Variants in TJP1 observed in about 807,000 individuals in gnomAD.
TJP1 encodes the protein tight junction protein 1.
In TJP1, 43 loss-of-function variants were observed where a neutral mutation model predicts 194.2. That is an observed-to-expected ratio of 0.22 (90% CI 0.17 to 0.29). The LOEUF (loss-of-function observed/expected upper bound fraction) is 0.29. TJP1 is among the 10% of genes least tolerant of loss of function. TJP1 has a pLI of 1.00. For missense variants in TJP1, 1,971 were observed against 2,185.7 expected (o/e 0.90, Z 1.96); for synonymous variants, 801 against 779.0 (o/e 1.03, Z -0.47).
intron 2 of TJP1, among the ~76,000 whole-genome samples, chr15:29,857,915 C>T (rs1050617031): frequency 2.0e-5 from 3 of 152,144 alleles, no homozygotes; most frequent in Admixed American, 6.5e-5. Context: ...GCACCAGTCA[C>T]CATGCCTGGC....
At chr15:29,734,911 A>T (rs1566924066) in intron 11 of TJP1, among the ~76,000 whole-genome samples, 2 of 152,192 alleles carry the variant, frequency 1.3e-5, no homozygotes, top group African/African-American at 4.8e-5. Context: ...AATAGTATTC[A>T]GTGTGTCCTG....
chr15:29,782,870 C>A (rs1206814218), intron 2 of TJP1, among the ~76,000 whole-genome samples: 2 of 91,140 alleles, frequency 2.2e-5, no homozygotes, highest in African/African-American at 8.8e-5. Context: ...AGAAAGTGGG[C>A]AAAGGACAAG....
At chr15:29,929,390 A>C (rs2152267620) in intron 2 of TJP1, among the ~76,000 whole-genome samples, 1 of 152,050 alleles carries the variant, frequency 6.6e-6, no homozygotes. Flanking sequence ...AAGCCTGAAA[A>C]CCAATAATTT....
chr15:29,833,903 A>G (rs1425506207), intron 2 of TJP1, among the ~76,000 whole-genome samples: 1 of 8,158 alleles, frequency 1.2e-4, no homozygotes, highest in Non-Finnish European at 2.8e-4. Flanking sequence ...TTTTTTTTTG[A>G]GACGGAGTCT....
chr15:29,791,865 T>C (rs28831790), intron 2 of TJP1, among the ~76,000 whole-genome samples: 15,994 of 152,188 alleles, frequency 0.11, 959 homozygotes, highest in South Asian at 0.22. Flanking sequence ...TTTATCTGAT[T>C]AGTGATGTTG....
intron 18 of TJP1, among the ~76,000 whole-genome samples, chr15:29,723,882 C>G (rs568217287): frequency 8.5e-5 from 13 of 152,302 alleles, no homozygotes; most frequent in African/African-American, 3.1e-4. Flanking sequence ...TAACGTGACA[C>G]TAGTACCTGG....
intron 1 of TJP1, chr15:29,821,425 G>A (rs2050336153): frequency 6.6e-6 from 1 of 152,198 alleles, no homozygotes; most frequent in African/African-American, 2.4e-5. Flanking sequence ...CCTTAAATAA[G>A]TAATACAGCA....
intron 5 of TJP1, among the ~76,000 whole-genome samples, 173 bp downstream of exon 5, chr15:29,766,093 C>T (rs1156229367): frequency 2.6e-5 from 4 of 152,176 alleles, no homozygotes; most frequent in African/African-American, 4.8e-5. Flanking sequence ...TCTGTTCCAA[C>T]GGAAAAAATG....
intron 2 of TJP1, among the ~76,000 whole-genome samples, chr15:29,847,180 G>A (rs993075047): frequency 1.3e-5 from 2 of 151,944 alleles, no homozygotes; most frequent in Non-Finnish European, 2.9e-5. Context: ...ACGGCTCACT[G>A]CAGCCTCAAA....
At position 29,740,625 on chromosome 15, in the gene TJP1, C is replaced by T. The variant is rs558284752; in HGVS notation, c.1256+706G>A. On this transcript the variant is annotated intron_variant, in intron 10 of 27. Transcript: ENST00000614355. ...CCAGCCTGGGCGACAGAGCAAGACC[C>T]TGTTTAAAAAAAAAAACTAACCAAA... Among the ~76,000 whole-genome samples, 23 of 151,352 alleles carry T rather than the reference C, an allele frequency of 1.5e-4. No individual in the cohort carries two copies. The East Asian group carries it at 3.3e-3, about 22-fold the overall frequency.
intron 2 of TJP1, among the ~76,000 whole-genome samples, chr15:29,906,468 A>AAAATAAATAAATAAATAAATAAAT (rs71103415): frequency 3.2e-4 from 44 of 138,934 alleles, no homozygotes; most frequent in African/African-American, 5.9e-4. Context: ...ACTCCGTCTC[A>AAAATAAATAAATAAATAAATAAAT]AAATAAATAA....
intron 2 of TJP1, among the ~76,000 whole-genome samples, chr15:29,786,317 CTTCT>C (rs973505362): frequency 4.6e-5 from 7 of 152,106 alleles, no homozygotes; most frequent in Non-Finnish European, 7.3e-5. Context: ...TCCAAGTCCC[CTTCT>C]TTAAGACTGT....
At chr15:29,823,553 G>T (rs1237849632), upstream of TJP1, 3 of 152,136 alleles carry the variant, frequency 2.0e-5, no homozygotes, top group East Asian at 5.8e-4. Flanking sequence ...TTTCTCTTTA[G>T]AATTCAACTG....
At chr15:29,795,653 G>C (rs988783813) in intron 2 of TJP1, among the ~76,000 whole-genome samples, 3 of 151,812 alleles carry the variant, frequency 2.0e-5, no homozygotes, top group Admixed American at 1.3e-4. Flanking sequence ...CAAAAGGAAG[G>C]AACACGTCCC....
At chr15:29,855,311 A>G (rs1470385860) in intron 2 of TJP1, among the ~76,000 whole-genome samples, 2 of 152,206 alleles carry the variant, frequency 1.3e-5, no homozygotes, top group Non-Finnish European at 2.9e-5. Context: ...CAAGTTTGAC[A>G]CATGCAAAAA....
intron 2 of TJP1, among the ~76,000 whole-genome samples, chr15:29,924,924 A>T (rs1719349): frequency 0.19 from 28,841 of 152,046 alleles, 2,803 homozygotes; most frequent in East Asian, 0.34. Flanking sequence ...ATTCCAAGGT[A>T]CTTAGCTTTT....
intron 10 of TJP1, among the ~76,000 whole-genome samples, chr15:29,737,648 TAC>T (rs1286381853): frequency 7.2e-5 from 11 of 152,230 alleles, no homozygotes; most frequent in African/African-American, 2.4e-4. Flanking sequence ...AGTACTATTT[TAC>T]ATAACTAATT....
At position 29,716,784 on chromosome 15, in the gene TJP1, G is replaced by A; in HGVS notation, c.4029C>T (p.Ser1343=). The part of the protein sequence containing the change: ...QLKPPEDIVR[S]NHYDPEEDEE... The stretch of plus-strand genomic sequence containing the variant: ...CATCTTCTTCAGGGTCATAATGATT[G>A]GACCGAACAATATCTTCAGGTGGCT... The change falls in exon 23 of 28, where the codon TCC becomes TCT. Residue 1343 remains serine, a synonymous_variant. Coordinates refer to ENST00000614355, the MANE Select transcript of TJP1 (RefSeq NM_001330239.4). 1 of 1,612,862 alleles carries A rather than the reference G, an allele frequency of 6.2e-7. No homozygotes were observed. Among genetic ancestry groups the A allele is most frequent in the Non-Finnish European group, 8.5e-7 (1 of 1,178,968 alleles).
intron 2 of TJP1, among the ~76,000 whole-genome samples, chr15:29,877,741 C>A (rs1169446125): frequency 2.0e-5 from 3 of 151,886 alleles, no homozygotes; most frequent in African/African-American, 7.3e-5. Flanking sequence ...TCACTGCAAC[C>A]TCCGCCTCCC....
Sources: allele counts gnomAD v4.1 joint callset (sites outside exome capture counted in the v4.1 genomes callset), GRCh38; gene constraint gnomAD v4.1.1; transcripts MANE v1.5; gene names NCBI Gene and HGNC (gene_info 2026-07-23, HGNC 2026-07-21).